Variants in PLCB1 observed in about 807,000 individuals in gnomAD.
PLCB1 encodes 1-phosphatidylinositol 4,5-bisphosphate phosphodiesterase beta-1.
A neutral mutation model predicts 161.8 loss-of-function variants in PLCB1; 46 were observed. The observed-to-expected ratio is 0.28, with a 90% confidence interval of 0.22 to 0.36. The LOEUF (loss-of-function observed/expected upper bound fraction) is 0.36, where lower values mean the gene tolerates loss of function less well. Ranked by LOEUF, PLCB1 falls within the 10% of genes least tolerant of loss-of-function variation. The pLI is 1.00. For synonymous variants in PLCB1, 517 were observed against 503.7 expected (o/e 1.03, Z -0.35); for missense variants, 1,016 against 1,472.5 (o/e 0.69, Z 5.07).
intron 2 of PLCB1, among the ~76,000 whole-genome samples, chr20:8,369,100 A>G (rs1986819150): frequency 6.6e-6 from 1 of 152,202 alleles, no homozygotes; most frequent in South Asian, 2.1e-4. Flanking sequence ...CATTCAATAA[A>G]TAATGCTCCA....
chr20:8,240,228 G>A (rs1265212748), intron 2 of PLCB1, among the ~76,000 whole-genome samples: 1 of 150,586 alleles, frequency 6.6e-6, no homozygotes, highest in African/African-American at 2.4e-5. Context: ...CAACAACACA[G>A]GTTAACCGTT....
chr20:8,357,429 C>T (rs935243617), intron 2 of PLCB1, among the ~76,000 whole-genome samples: 1 of 152,126 alleles, frequency 6.6e-6, no homozygotes, highest in African/African-American at 2.4e-5. Flanking sequence ...ACTAAAGAAG[C>T]TAAGGACTAT....
At chr20:8,518,834 G>C (rs183365963) in intron 3 of PLCB1, among the ~76,000 whole-genome samples, 1 of 151,768 alleles carries the variant, frequency 6.6e-6, no homozygotes, top group Non-Finnish European at 1.5e-5. Flanking sequence ...TTGTTTTCCT[G>C]CAACTAGATG....
At chr20:8,270,150 G>A (rs769351207) in intron 2 of PLCB1, among the ~76,000 whole-genome samples, 7 of 152,146 alleles carry the variant, frequency 4.6e-5, no homozygotes, top group South Asian at 2.1e-4. Context: ...ATAATGTTCC[G>A]GAGATGTTGC....
chr20:8,571,937 A>G (rs766218984), intron 3 of PLCB1, among the ~76,000 whole-genome samples: 4 of 152,240 alleles, frequency 2.6e-5, no homozygotes, highest in South Asian at 4.1e-4. Context: ...CAATAAAGAT[A>G]CTAAAATAGA....
In PLCB1 at chr20:8,581,767, A is replaced by G. The variant is rs150559841; in HGVS notation, c.247-46527A>G. Among the ~76,000 whole-genome samples the G allele has an allele frequency of 1.6e-4, 25 of 152,278 alleles. No individual in the cohort carries two copies. In the East Asian group the frequency reaches 3.9e-3, roughly 24 times the overall value. On this transcript the variant is annotated intron_variant, in intron 3 of 31. Transcript: ENST00000338037. Reference sequence around the variant, plus strand: ...CTGCTATACCTTACCACCTGCAAAGAATAGCTATTGAGTATTTCTACTCTG... The same window carrying G: ...CTGCTATACCTTACCACCTGCAAAGGATAGCTATTGAGTATTTCTACTCTG...
At chr20:8,264,245 CTTCCACATCTTG>C (rs772461559) in intron 2 of PLCB1, among the ~76,000 whole-genome samples, 7 of 152,166 alleles carry the variant, frequency 4.6e-5, no homozygotes, top group Non-Finnish European at 8.8e-5. Context: ...CTATCTTCCA[CTTCCACATCTTG>C]TCCCACTGGA....
At chr20:8,577,355 G>A (rs996563078) in intron 3 of PLCB1, among the ~76,000 whole-genome samples, 23 of 150,370 alleles carry the variant, frequency 1.5e-4, no homozygotes, top group African/African-American at 5.4e-4. Flanking sequence ...GGAGAATGGC[G>A]TGAACCCGGG....
At chr20:8,809,159 T>C (rs1569626) in intron 31 of PLCB1, among the ~76,000 whole-genome samples, 123,152 of 152,000 alleles carry the variant, frequency 0.81, 53,210 homozygotes, top group Non-Finnish European at 0.95. Context: ...ACCACCACAC[T>C]TGGCTGATTT....
At chr20:8,344,730 A>G (rs1985935771) in intron 2 of PLCB1, among the ~76,000 whole-genome samples, 1 of 152,216 alleles carries the variant, frequency 6.6e-6, no homozygotes. Flanking sequence ...TGTTGAGCCC[A>G]ATGAAAATCA....
At chr20:8,864,491 C>T (rs763813737) in intron 31 of PLCB1, among the ~76,000 whole-genome samples, 1 of 152,184 alleles carries the variant, frequency 6.6e-6, no homozygotes, top group Non-Finnish European at 1.5e-5. Context: ...CTCTGCCTAG[C>T]ACCTGTCACA....
At chr20:8,225,099 G>T (rs568066848) in intron 2 of PLCB1, among the ~76,000 whole-genome samples, 1 of 152,072 alleles carries the variant, frequency 6.6e-6, no homozygotes. Flanking sequence ...CAAGGCAATG[G>T]ATTATTTTCC....
At chr20:8,640,057 T>C (rs1988896605) in intron 4 of PLCB1, among the ~76,000 whole-genome samples, 1 of 152,206 alleles carries the variant, frequency 6.6e-6, no homozygotes, top group Non-Finnish European at 1.5e-5. Context: ...CCTCTTCATT[T>C]GAAGAGAAGA....
intron 3 of PLCB1, among the ~76,000 whole-genome samples, chr20:8,460,882 C>G (rs1385876800): frequency 6.6e-6 from 1 of 152,122 alleles, no homozygotes; most frequent in Non-Finnish European, 1.5e-5. Context: ...GTGATAGGAA[C>G]AGTGCTGAGA....
intron 3 of PLCB1, among the ~76,000 whole-genome samples, chr20:8,436,740 A>G (rs1200716367): frequency 6.6e-6 from 1 of 152,180 alleles, no homozygotes; most frequent in African/African-American, 2.4e-5. Flanking sequence ...AACATAGAAT[A>G]TGTGCCAACA....
intron 3 of PLCB1, among the ~76,000 whole-genome samples, chr20:8,513,001 G>A (rs1983956794): frequency 6.6e-6 from 1 of 151,994 alleles, no homozygotes. Context: ...ACCTCTACGA[G>A]TTCGAATTTT....
intron 25 of PLCB1, among the ~76,000 whole-genome samples, chr20:8,763,039 C>A (rs559985043): frequency 6.6e-6 from 1 of 152,036 alleles, no homozygotes; most frequent in Non-Finnish European, 1.5e-5. Flanking sequence ...GTTAAGATAC[C>A]ATCAGTTGTA....
chr20:8,275,230 G>A (rs1041451607), intron 2 of PLCB1, among the ~76,000 whole-genome samples: 2 of 144,912 alleles, frequency 1.4e-5, no homozygotes, highest in African/African-American at 5.2e-5. Flanking sequence ...CCAGTACCAG[G>A]TTTGCTTTGC....
intron 10 of PLCB1, among the ~76,000 whole-genome samples, chr20:8,693,445 C>A (rs1470537399): frequency 5.3e-5 from 8 of 152,120 alleles, no homozygotes; most frequent in Non-Finnish European, 1.2e-4. Context: ...AGGGTCAAGA[C>A]AAATAATACA....
Sources: allele counts gnomAD v4.1 joint callset (sites outside exome capture counted in the v4.1 genomes callset), GRCh38; gene constraint gnomAD v4.1.1; transcripts MANE v1.5; gene names NCBI Gene and HGNC (gene_info 2026-07-23, HGNC 2026-07-21).